Variants in FBXO11 observed in about 807,000 individuals in gnomAD.
The protein encoded by FBXO11 is F-box protein 11.
Under a neutral mutation model 117.0 loss-of-function variants are expected in FBXO11, and 13 were observed. The observed-to-expected ratio is 0.11, with a 90% confidence interval of 0.07 to 0.18. The LOEUF is 0.18. FBXO11 is among the 10% of genes least tolerant of loss of function. FBXO11 has a pLI of 1.00. For synonymous variants in FBXO11, 490 were observed against 380.5 expected (o/e 1.29, Z -3.35); for missense variants, 767 against 1,164.4 (o/e 0.66, Z 4.97).
rs374178442 is a variant in FBXO11 at position 47,880,000 on chromosome 2, GTT to G, written c.232+25487_232+25488del. 2.1e-3 allele frequency among the ~76,000 whole-genome samples: 305 copies of G among 144,186 alleles called. 1 individual carries two copies. Among genetic ancestry groups the G allele is most frequent in the South Asian group, 7.7e-3 (35 of 4,546 alleles). The allele number at this position is 144,186 out of a possible 152,430, so 94.6% of individuals were successfully genotyped here. A position where few individuals can be genotyped will look rare whatever the true frequency, so the allele number is the denominator to read the frequency against. Reference sequence around the variant, plus strand: ...CATTTTCTTTATCCATTCAGAGAAGGTTTTTTTTTTTTGGAAACGGGGTCTCA... The same window carrying G: ...CATTTTCTTTATCCATTCAGAGAAGGTTTTTTTTTTGGAAACGGGGTCTCA... On this transcript the variant is annotated intron_variant, in intron 1 of 22. Transcript: ENST00000403359.
chr2:47,833,163 CTGA>C, intron 7 of FBXO11, 93 bp from the exon 8 acceptor site: 1 of 758,712 alleles, frequency 1.3e-6, no homozygotes, highest in South Asian at 1.6e-5. Context: ...AACATTAGTA[CTGA>C]GTAGTGGGAC....
intron 11 of FBXO11, among the ~76,000 whole-genome samples, chr2:47,827,960 G>C (rs1416080764): frequency 6.6e-6 from 1 of 151,904 alleles, no homozygotes; most frequent in African/African-American, 2.4e-5. Context: ...GCCTCCCAAA[G>C]TGCTGCGATT....
intron 1 of FBXO11, among the ~76,000 whole-genome samples, chr2:47,886,781 G>A (rs557492953): frequency 1.3e-5 from 2 of 152,054 alleles, no homozygotes; most frequent in East Asian, 3.9e-4. Flanking sequence ...CACACAGTAC[G>A]GTTTGTTTTT....
At chr2:47,839,387 T>A in intron 3 of FBXO11, 32 bp downstream of exon 3, 1 of 1,569,586 alleles carries the variant, frequency 6.4e-7, no homozygotes, top group Non-Finnish European at 8.6e-7. Context: ...AAAATTATTT[T>A]ACCCTATTTG....
intron 11 of FBXO11, among the ~76,000 whole-genome samples, chr2:47,826,128 G>C (rs772172024): frequency 4.6e-5 from 7 of 151,828 alleles, no homozygotes; most frequent in Non-Finnish European, 1.0e-4. Context: ...GCACGATCTC[G>C]GCTCACTGCA....
chr2:47,815,849 T>C (rs1670969727), intron 16 of FBXO11, among the ~76,000 whole-genome samples: 2 of 152,198 alleles, frequency 1.3e-5, no homozygotes, highest in South Asian at 4.1e-4. Flanking sequence ...CTGATCCTCC[T>C]GTGGCTCAGC....
intron 1 of FBXO11, among the ~76,000 whole-genome samples, chr2:47,850,516 G>C (rs1040263149): frequency 6.6e-6 from 1 of 152,132 alleles, no homozygotes; most frequent in Non-Finnish European, 1.5e-5. Flanking sequence ...CATGGTAGAC[G>C]TGCCATTCAA....
chr2:47,819,670 A>G (rs1242023636), intron 14 of FBXO11, among the ~76,000 whole-genome samples: 2 of 152,238 alleles, frequency 1.3e-5, no homozygotes, highest in South Asian at 2.1e-4. Flanking sequence ...GATGTGTAAC[A>G]AACTGACGAC....
chr2:47,859,396 T>C (rs1442958660), intron 1 of FBXO11, among the ~76,000 whole-genome samples: 1 of 152,210 alleles, frequency 6.6e-6, no homozygotes, highest in East Asian at 1.9e-4. Flanking sequence ...CTGAATTCAA[T>C]TTCAGATGTC....
intron 1 of FBXO11, among the ~76,000 whole-genome samples, chr2:47,849,460 G>T (rs1673677603): frequency 1.3e-5 from 2 of 152,166 alleles, no homozygotes; most frequent in South Asian, 4.1e-4. Flanking sequence ...CTTAAAAAAT[G>T]TGCATTTTCG....
At chr2:47,876,061 G>A (rs1675981947) in intron 1 of FBXO11, among the ~76,000 whole-genome samples, 1 of 152,106 alleles carries the variant, frequency 6.6e-6, no homozygotes, top group South Asian at 2.1e-4. Context: ...GCGTAAGAAG[G>A]TAAAATAACT....
In FBXO11 at chr2:47,839,473, A is replaced by C; in HGVS notation, c.388T>G (p.Phe130Val). The change falls in exon 3 of 23, where the codon TTT (phenylalanine) becomes GTT (valine). Residue 130 changes from phenylalanine to valine, a missense_variant. Physicochemically the swap from Phe to Val is conservative, Grantham distance 50 (BLOSUM62 -1). This residue lies in a region of FBXO11 where 355 missense variants were observed against 299.8 expected (regional missense o/e 1.18). Coordinates refer to ENST00000403359, the MANE Select transcript of FBXO11 (RefSeq NM_001190274.2). ...CTTGCACGTTTTGCACGATGACCAA[A>C]GTTTTCTGTAGTTGAAGTTGAGGCG... ...EGASTSTTENFGHRAKRARVS... is the reference protein window; with the variant it reads ...EGASTSTTENVGHRAKRARVS... The C allele has an allele frequency of 6.2e-7, 1 of 1,613,990 alleles. No individual in the cohort carries two copies. The highest frequency in any genetic ancestry group is 1.3e-5 in the African/African-American group (1 of 75,040).
chr2:47,822,284 C>A lies in FBXO11; in HGVS notation c.1636G>T (p.Gly546Ter). Residue 546 changes from glycine (G) to a stop codon, truncating the protein, a stop_gained, in exon 13 of 23, where the codon GGA becomes TGA. Transcript: ENST00000403359. LOFTEE classifies it high-confidence loss of function. Reference sequence around the variant, plus strand: ...AAGATGTAAACTCCTCCTTGATTTCCATTAAATATAGAATTTCCCCTATAA... The same window carrying A: ...AAGATGTAAACTCCTCCTTGATTTCAATTAAATATAGAATTTCCCCTATAA... ...PTIRGNSIFNGNQGGVYIFGD... is the reference protein window; with the variant it reads ...PTIRGNSIFN 1 of 1,587,616 alleles carries A rather than the reference C, an allele frequency of 6.3e-7. No homozygotes were observed. The highest frequency in any genetic ancestry group is 8.6e-7 in the Non-Finnish European group (1 of 1,166,172).
intron 1 of FBXO11, among the ~76,000 whole-genome samples, chr2:47,882,383 G>A (rs533835832): frequency 3.3e-5 from 5 of 152,062 alleles, no homozygotes; most frequent in African/African-American, 9.7e-5. Flanking sequence ...AGATCTTTCT[G>A]GTCAGTTTTC....
intron 1 of FBXO11, chr2:47,905,277 G>C (rs910730588): frequency 1.3e-5 from 4 of 319,880 alleles, no homozygotes; most frequent in Non-Finnish European, 2.1e-5. Flanking sequence ...CTGAGCGAGA[G>C]CCCAGGCGAG....
chr2:47,822,688 G>A lies in FBXO11; in HGVS notation c.1617-385C>T, dbSNP rs1245255462. 7.2e-5 allele frequency among the ~76,000 whole-genome samples: 11 copies of A among 152,112 alleles called. 1 individual carries two copies. The highest frequency in any genetic ancestry group is 1.0e-4 in the Non-Finnish European group (7 of 68,012). Reference sequence around the variant, plus strand: ...TAATACCTTTGGTTCTACAATTTTGGCTTATTAAGGGAAAATGACAGCTTG... The same window carrying A: ...TAATACCTTTGGTTCTACAATTTTGACTTATTAAGGGAAAATGACAGCTTG... On this transcript the variant is annotated intron_variant, in intron 12 of 22. Transcript: ENST00000403359.
Position 47,832,843 on chromosome 2 carries a change from G to A in FBXO11, c.1079C>T (p.Ala360Val). Residue 360 changes from alanine to valine, a missense_variant, in exon 9 of 23, where the codon GCA becomes GTA. By Grantham distance (64) the Ala-to-Val change is moderately conservative. Around this residue, in one of 10 missense-constraint regions of FBXO11, gnomAD observed 123 missense variants for 145.0 expected, o/e 0.85. Transcript: ENST00000403359. ...PDDKSAQHHN[A>V]HHCLEITVNC... The stretch of plus-strand genomic sequence containing the variant: ...TACTGTAATCTCTAAGCAGTGGTGT[G>A]CATTGTGGTGTTGTGCAGATTTGTC... The A allele has an allele frequency of 6.2e-7, 1 of 1,614,040 alleles. No homozygotes were observed. Among genetic ancestry groups the A allele is most frequent in the South Asian group, 1.1e-5 (1 of 91,084 alleles).
At chr2:47,828,208 T>A (rs1002092760) in intron 11 of FBXO11, among the ~76,000 whole-genome samples, 5 of 152,158 alleles carry the variant, frequency 3.3e-5, no homozygotes, top group African/African-American at 1.2e-4. Context: ...CTTGAACTCC[T>A]GGGTTCATGC....
rs147722669 is a variant in FBXO11 at position 47,879,247 on chromosome 2, A to T, written c.232+26242T>A. Among the ~76,000 whole-genome samples, 142 of 152,356 alleles carry T rather than the reference A, an allele frequency of 9.3e-4. 1 individual carries two copies. Among genetic ancestry groups the T allele is most frequent in the African/African-American group, 3.1e-3 (129 of 41,584 alleles). ...CCTTCTGCTATTACAGAATAATCTG[A>T]TACATGTATCATGTGGTGTAAAGTA... On this transcript the variant is annotated intron_variant, in intron 1 of 22. Coordinates refer to ENST00000403359, the MANE Select transcript of FBXO11 (RefSeq NM_001190274.2).
Sources: allele counts gnomAD v4.1 joint callset (sites outside exome capture counted in the v4.1 genomes callset), GRCh38; gene constraint gnomAD v4.1.1; regional missense constraint gnomAD v4.1.1; transcripts MANE v1.5; gene names NCBI Gene and HGNC (gene_info 2026-07-23, HGNC 2026-07-21).